PRKACB: variants seen among roughly 807,000 people sequenced by gnomAD.
PRKACB encodes the protein cAMP-dependent protein kinase catalytic subunit beta.
A neutral mutation model predicts 51.4 loss-of-function variants in PRKACB; 16 were observed. That is an observed-to-expected ratio of 0.31 (90% CI 0.21 to 0.47). The LOEUF (loss-of-function observed/expected upper bound fraction) is 0.47. Among genes scored for constraint, PRKACB ranks in the 20% least tolerant of loss-of-function variants. The probability of loss-of-function intolerance (pLI) is 1.00; values close to 1 mark genes in which losing one functional copy is unlikely to be tolerated. For synonymous variants in PRKACB, 147 were observed against 154.4 expected (o/e 0.95, Z 0.35); for missense variants, 309 against 464.5 (o/e 0.67, Z 3.08).
intron 2 of PRKACB, among the ~76,000 whole-genome samples, chr1:84,180,838 A>C (rs1205739618): frequency 2.6e-5 from 4 of 152,162 alleles, no homozygotes; most frequent in Non-Finnish European, 4.4e-5. Context: ...TTTTTATAAT[A>C]CAAAGAAAAG....
intron 1 of PRKACB, among the ~76,000 whole-genome samples, chr1:84,154,897 A>G (rs1196887261): frequency 2.6e-5 from 4 of 152,140 alleles, no homozygotes; most frequent in African/African-American, 4.8e-5. Flanking sequence ...AATAAAGGCT[A>G]CATAGGATAA....
chr1:84,185,095 C>G lies in PRKACB; in HGVS notation c.478-5C>G, dbSNP rs778428117. On this transcript the variant is annotated splice_region_variant and splice_polypyrimidine_tract_variant and intron_variant, in intron 4 of 9. Transcript: ENST00000370685. ...TAATTGTATTTCCTTTTTATTTGTT[C>G]ATAGGATAATTCTAATTTATACATG... 6.9e-6 allele frequency: 10 copies of G among 1,440,080 alleles called. No individual in the cohort carries two copies. Among genetic ancestry groups the G allele is most frequent in the Non-Finnish European group, 7.5e-6 (8 of 1,070,128 alleles). 89.2% of individuals were successfully genotyped at this position (1,440,080 alleles called of 1,614,324 possible).
chr1:84,213,508 G>C (rs575564982), intron 8 of PRKACB, among the ~76,000 whole-genome samples: 4 of 152,304 alleles, frequency 2.6e-5, no homozygotes, highest in Admixed American at 2.6e-4. Flanking sequence ...TTTAAGGCCA[G>C]AGGCCAGTCT....
intron 1 of PRKACB, chr1:84,164,760 C>A (rs1433140950): frequency 7.3e-6 from 10 of 1,375,600 alleles, no homozygotes; most frequent in Non-Finnish European, 9.4e-6. Context: ...GAAATTCAGT[C>A]TAGTTATAGA....
At chr1:84,123,510 T>C (rs573523817) in intron 1 of PRKACB, among the ~76,000 whole-genome samples, 9 of 152,286 alleles carry the variant, frequency 5.9e-5, no homozygotes, top group African/African-American at 2.2e-4. Context: ...TCTAGTTTTG[T>C]GACACTTCTA....
chr1:84,202,043 C>T (rs1000896917), intron 7 of PRKACB, among the ~76,000 whole-genome samples: 5 of 152,072 alleles, frequency 3.3e-5, no homozygotes, highest in African/African-American at 1.2e-4. Flanking sequence ...TTTTTTCCTG[C>T]ATATCTTTTA....
intron 1 of PRKACB, among the ~76,000 whole-genome samples, chr1:84,172,061 A>G (rs1659691656): frequency 6.6e-6 from 1 of 151,596 alleles, no homozygotes; most frequent in East Asian, 1.9e-4. Flanking sequence ...TACTCATTAG[A>G]TTAGCAAAAA....
intron 9 of PRKACB, among the ~76,000 whole-genome samples, chr1:84,216,279 C>T (rs558588256): frequency 7.2e-5 from 11 of 152,030 alleles, no homozygotes; most frequent in East Asian, 1.9e-4. Context: ...ATTGGGGCTA[C>T]GGTGAGCTGT....
intron 1 of PRKACB, among the ~76,000 whole-genome samples, chr1:84,138,932 C>A (rs1318988487): frequency 6.6e-6 from 1 of 151,908 alleles, no homozygotes; most frequent in Non-Finnish European, 1.5e-5. Flanking sequence ...AGGTAAAAAC[C>A]ACATGATTTT....
chr1:84,175,852 T>C, intron 1 of PRKACB: 1 of 1,376,698 alleles, frequency 7.3e-7, no homozygotes, highest in East Asian at 2.5e-5. Flanking sequence ...ACTATTTAAA[T>C]CATACAAACA....
At chr1:84,183,968 CA>C (rs1664355342) in intron 3 of PRKACB, 68 bp from the exon 4 acceptor site, 5 of 1,401,818 alleles carry the variant, frequency 3.6e-6, no homozygotes, top group East Asian at 5.3e-5. Context: ...ATATGGAAAA[CA>C]TTTTTTTAAA....
Position 84,197,720 on chromosome 1 carries a change from C to G in PRKACB, c.688-9C>G. 6.4e-7 allele frequency: 1 copy of G among 1,571,374 alleles called. No homozygotes were observed. The highest frequency in any genetic ancestry group is 8.7e-7 in the Non-Finnish European group (1 of 1,151,650). On this transcript the variant is annotated splice_polypyrimidine_tract_variant and intron_variant, in intron 6 of 9. Coordinates refer to ENST00000370685, the MANE Select transcript of PRKACB (RefSeq NM_182948.4). ...ACATTTTCACTAGTATTCTTTTTTT[C>G]TTTTATAGGTCACAGACTTTGGGTT...
chr1:84,126,335 T>C (rs6658591), intron 1 of PRKACB, among the ~76,000 whole-genome samples: 74,841 of 151,552 alleles, frequency 0.49, 18,886 homozygotes, highest in Non-Finnish European at 0.56. Flanking sequence ...AAGTGGCTCT[T>C]GGCAGGATGG....
upstream of PRKACB, among the ~76,000 whole-genome samples, chr1:84,141,856 G>C (rs541277091): frequency 4.6e-5 from 7 of 152,214 alleles, no homozygotes; most frequent in South Asian, 1.2e-3. Flanking sequence ...ATGATTAAAG[G>C]GGGTAATTGG....
intron 8 of PRKACB, among the ~76,000 whole-genome samples, chr1:84,213,000 G>A (rs532192213): frequency 6.6e-5 from 10 of 152,284 alleles, no homozygotes; most frequent in African/African-American, 2.4e-4. Context: ...CACTATGTAA[G>A]TTATGAAGTG....
At chr1:84,214,023 G>T in intron 8 of PRKACB, 130 bp from the exon 9 acceptor site, 1 of 890,122 alleles carries the variant, frequency 1.1e-6, no homozygotes, top group East Asian at 2.9e-5. Context: ...TTAAAAGTAT[G>T]TGAAGGTCAT....
At chr1:84,179,633 C>G (rs1000042172) in intron 2 of PRKACB, among the ~76,000 whole-genome samples, 1 of 151,814 alleles carries the variant, frequency 6.6e-6, no homozygotes, top group Non-Finnish European at 1.5e-5. Context: ...AACAACATCC[C>G]TGATACACAG....
In PRKACB at chr1:84,182,186, G is replaced by T; in HGVS notation, c.250-14G>T. 6.7e-7 allele frequency: 1 copy of T among 1,487,074 alleles called. No individual in the cohort carries two copies. Among genetic ancestry groups the T allele is most frequent in the Non-Finnish European group, 9.1e-7 (1 of 1,104,062 alleles). The allele number at this position is 1,487,074 out of a possible 1,614,324, so 92.1% of individuals were successfully genotyped here. On this transcript the variant is annotated splice_polypyrimidine_tract_variant and intron_variant, in intron 2 of 9. Transcript: ENST00000370685. ...TACGAGAATTTTAAATTTTATTTAT[G>T]TATTTACATATAGAATAATGCCGGA...
At chr1:84,086,032 A>T in intron 1 of PRKACB, 1 of 856,602 alleles carries the variant, frequency 1.2e-6, no homozygotes, top group Non-Finnish European at 2.0e-6. Context: ...GGCTGAGGTT[A>T]GAGAAGATGG....
Sources: gnomAD v4.1 joint callset for allele counts (sites outside exome capture counted in the v4.1 genomes callset) on GRCh38, gnomAD v4.1.1 for gene constraint, MANE v1.5 for transcripts, NCBI Gene and HGNC (gene_info 2026-07-23, HGNC 2026-07-21) for gene names.